Variants in TMEM255B observed in about 807,000 individuals in gnomAD.
TMEM255B encodes the protein transmembrane protein 255B, also known as family with sequence similarity 70, member B.
TMEM255B carries 35 observed loss-of-function variants against 34.5 expected under a neutral mutation model. That is an observed-to-expected ratio of 1.01 (90% CI 0.77 to 1.34). TMEM255B has a LOEUF of 1.34. Ranked by LOEUF, TMEM255B falls within the 40% of genes most tolerant of loss-of-function variation. The pLI, the probability that TMEM255B is intolerant of heterozygous loss-of-function variation, is 0.00. For synonymous variants in TMEM255B, 206 were observed against 201.2 expected, an observed-to-expected ratio of 1.02 and a Z score of -0.20; for missense variants, 432 against 433.2, an observed-to-expected ratio of 1.00 and a Z score of 0.02.
chr13:113,811,588 A>T, intron 8 of TMEM255B, 148 bp from the exon 9 acceptor site: 1 of 782,562 alleles, frequency 1.3e-6, no homozygotes. Context: ...CGGGGGGCCC[A>T]TGTGAATGGC....
At chr13:113,768,214 C>A (rs1169928022) in intron 2 of TMEM255B, 1 of 470,646 alleles carries the variant, frequency 2.1e-6, no homozygotes, top group Non-Finnish European at 4.4e-6. Flanking sequence ...CGTCTTAGGC[C>A]TCGGCACGGT....
chr13:113,812,293 G>A lies in TMEM255B; in HGVS notation c.*390G>A, dbSNP rs955893093. 4.6e-5 allele frequency: 11 copies of A among 236,894 alleles called. No homozygotes were observed. Among genetic ancestry groups the A allele is most frequent in the African/African-American group, 1.6e-4 (7 of 42,812 alleles). 14.7% of individuals were successfully genotyped at this position (236,894 alleles called of 1,614,324 possible). ...TCTTGTTTGTGGACATGTGTTGTGC[G>A]TTACACGTTCGTGTGTGCATCTGTG... On this transcript the variant is annotated 3_prime_UTR_variant, in exon 9 of 9. Transcript: ENST00000375353.
intron 1 of TMEM255B, among the ~76,000 whole-genome samples, chr13:113,763,114 C>T (rs2050334494): frequency 6.6e-6 from 1 of 152,178 alleles, no homozygotes; most frequent in African/African-American, 2.4e-5. Context: ...GCAGGTGTTA[C>T]ATGGAGGCTG....
intron 3 of TMEM255B, among the ~76,000 whole-genome samples, chr13:113,775,968 GTGTGCAGCCA>G (rs1197330209): frequency 2.0e-5 from 3 of 152,212 alleles, no homozygotes; most frequent in African/African-American, 4.8e-5. Flanking sequence ...GCAGGTCTCT[GTGTGCAGCCA>G]TGTGCGGCCT....
intron 8 of TMEM255B, among the ~76,000 whole-genome samples, chr13:113,808,798 G>GGT (rs764839136): frequency 1.0e-5 from 1 of 96,912 alleles, no homozygotes; most frequent in Non-Finnish European, 2.0e-5. Flanking sequence ...TTCCTGGGGG[G>GGT]GGGGTTACTC....
chr13:113,784,964 A>T (rs2050719308), intron 3 of TMEM255B, among the ~76,000 whole-genome samples: 1 of 152,078 alleles, frequency 6.6e-6, no homozygotes, highest in Non-Finnish European at 1.5e-5. Flanking sequence ...AATAAACCTG[A>T]GAGGGGCTTC....
intron 4 of TMEM255B, among the ~76,000 whole-genome samples, chr13:113,799,126 T>C (rs1050054543): frequency 1.3e-5 from 2 of 152,230 alleles, no homozygotes; most frequent in Non-Finnish European, 2.9e-5. Flanking sequence ...CCATGGGGCT[T>C]TCTGCTGTCT....
chr13:113,774,582 A>ATG (rs1365252583), intron 3 of TMEM255B, among the ~76,000 whole-genome samples: 13 of 140,776 alleles, frequency 9.2e-5, no homozygotes, highest in Non-Finnish European at 1.8e-4. Flanking sequence ...TGACACACAC[A>ATG]CCACACAACA....
At chr13:113,779,371 G>A (rs2050632039) in intron 3 of TMEM255B, among the ~76,000 whole-genome samples, 1 of 152,180 alleles carries the variant, frequency 6.6e-6, no homozygotes, top group Non-Finnish European at 1.5e-5. Context: ...TCCTTACGGG[G>A]CACTGAATGC....
At chr13:113,785,753 G>C (rs991376956) in intron 3 of TMEM255B, among the ~76,000 whole-genome samples, 3 of 152,168 alleles carry the variant, frequency 2.0e-5, no homozygotes, top group Admixed American at 2.0e-4. Flanking sequence ...ACGTCCCCAG[G>C]CCTCCCTGTC....
intron 8 of TMEM255B, among the ~76,000 whole-genome samples, chr13:113,809,496 TTTACTCTGTGGTTCCTG>T (rs2051259541): frequency 1.2e-5 from 1 of 86,884 alleles, no homozygotes; most frequent in African/African-American, 5.0e-5. Flanking sequence ...TTCCTGGGGG[TTTACTCTGTGGTTCCTG>T]GGGGTTTACT....
Position 113,814,848 on chromosome 13 carries a change from G to A in TMEM255B, c.*2945G>A, listed in dbSNP as rs370275221. On this transcript the variant is annotated 3_prime_UTR_variant, in exon 9 of 9. Transcript: ENST00000375353. ...AGGCCGCGGGAGATGGGGTGGAGGG[G>A]ATGGTGGGGCAGGGGGTGCTGGGGG... The A allele has an allele frequency of 2.0e-4, 28 of 141,750 alleles. No homozygotes were observed. Among genetic ancestry groups the A allele is most frequent in the African/African-American group, 6.4e-4 (25 of 39,232 alleles). 8.8% of individuals were successfully genotyped at this position (141,750 alleles called of 1,614,324 possible). A position where few individuals can be genotyped will look rare whatever the true frequency, so the allele number is the denominator to read the frequency against.
At chr13:113,808,791 C>CTGGG (rs1555302313) in intron 8 of TMEM255B, among the ~76,000 whole-genome samples, 1 of 18,730 alleles carries the variant, frequency 5.3e-5, no homozygotes, top group Non-Finnish European at 8.8e-5. Flanking sequence ...TCTGTGGTTC[C>CTGGG]TGGGGGGGGG....
chr13:113,772,232 G>A (rs1242098944), intron 3 of TMEM255B, among the ~76,000 whole-genome samples: 1 of 152,118 alleles, frequency 6.6e-6, no homozygotes, highest in Non-Finnish European at 1.5e-5. Context: ...ATGTATTCTA[G>A]ATACAAATCG....
In TMEM255B at chr13:113,789,984, G is replaced by A. The variant is rs1021556574; in HGVS notation, c.253-5164G>A. Among the ~76,000 whole-genome samples the A allele has an allele frequency of 3.0e-4, 46 of 150,932 alleles. 1 individual carries two copies. Among genetic ancestry groups the A allele is most frequent in the African/African-American group, 1.1e-3 (44 of 40,974 alleles). On this transcript the variant is annotated intron_variant, in intron 3 of 8. Coordinates refer to ENST00000375353, the MANE Select transcript of TMEM255B (RefSeq NM_182614.4). Reference sequence around the variant, plus strand: ...TGGACATCCTAGCGCTGGACTGACTGGGCACGTGGACATCCTAGCACTGGA... The same window carrying A: ...TGGACATCCTAGCGCTGGACTGACTAGGCACGTGGACATCCTAGCACTGGA...
chr13:113,809,951 A>G (rs902489331), intron 8 of TMEM255B, among the ~76,000 whole-genome samples: 1 of 152,160 alleles, frequency 6.6e-6, no homozygotes, highest in Non-Finnish European at 1.5e-5. Context: ...TGAGGTTGGC[A>G]GGTGTCCCTG....
chr13:113,773,378 T>C (rs897001133), intron 3 of TMEM255B, among the ~76,000 whole-genome samples: 4 of 152,244 alleles, frequency 2.6e-5, no homozygotes, highest in Non-Finnish European at 5.9e-5. Flanking sequence ...GCATGTCAAA[T>C]AGAAACACTT....
rs1476073672 is a variant in TMEM255B at position 113,806,549 on chromosome 13, C to G, written c.813+1521C>G. 6.6e-6 allele frequency among the ~76,000 whole-genome samples: 1 copy of G among 152,180 alleles called. No individual in the cohort carries two copies. Among genetic ancestry groups the G allele is most frequent in the Non-Finnish European group, 1.5e-5 (1 of 68,030 alleles). The stretch of plus-strand genomic sequence containing the variant: ...GAGGTCTGGCCTGGAAACATCTTTT[C>G]CATTTCTGTGACGGGGGAAGATGTG... On this transcript the variant is annotated intron_variant, in intron 8 of 8. Coordinates refer to ENST00000375353, the MANE Select transcript of TMEM255B (RefSeq NM_182614.4). This position sits in a 1 kb window ranked among gnomAD's most constrained non-coding sequence, Gnocchi z 4.2.
At chr13:113,798,250 G>A (rs1368790445) in intron 4 of TMEM255B, among the ~76,000 whole-genome samples, 3 of 151,796 alleles carry the variant, frequency 2.0e-5, no homozygotes, top group Non-Finnish European at 4.4e-5. Flanking sequence ...ATAGAAGGAT[G>A]GATGATGGAT....
Sources: gnomAD v4.1 joint callset for allele counts (sites outside exome capture counted in the v4.1 genomes callset) on GRCh38, gnomAD v4.1.1 for gene constraint, Gnocchi (gnomAD v3.1) non-coding constraint, MANE v1.5 for transcripts, NCBI Gene and HGNC (gene_info 2026-07-23, HGNC 2026-07-21) for gene names.